NCAM2: variants seen among roughly 807,000 people sequenced by gnomAD.
The protein encoded by NCAM2 is neural cell adhesion molecule 2.
Under a neutral mutation model 98.1 loss-of-function variants are expected in NCAM2, and 30 were observed. The observed-to-expected ratio is 0.31, with a 90% CI of 0.23 to 0.41. The LOEUF is 0.41. Ranked by LOEUF, NCAM2 falls within the 10% of genes least tolerant of loss-of-function variation. The pLI is 1.00. For synonymous variants in NCAM2, 368 were observed against 342.4 expected, an observed-to-expected ratio of 1.07 and a Z score of -0.83; for missense variants, 867 against 1,005.8, an observed-to-expected ratio of 0.86 and a Z score of 1.87.
rs533361851 is a variant in NCAM2, at chr21:21,315,903, A to G, written c.620-8480A>G. On this transcript the variant is annotated intron_variant, in intron 5 of 17. Transcript: ENST00000400546. ...AAGTGGGGAGATAGGACACTGCAAG[A>G]TGTCTCGAATTAATCCAGAACTGGA... is the stretch of plus-strand genomic sequence containing the variant. Among the ~76,000 whole-genome samples, 98 of 152,330 alleles carry G rather than the reference A, an allele frequency of 6.4e-4. 2 individuals are homozygous for G. In the South Asian group the frequency reaches 0.02, roughly 31 times the overall value.
At chr21:21,124,443 G>A (rs2066744468) in intron 1 of NCAM2, among the ~76,000 whole-genome samples, 1 of 152,124 alleles carries the variant, frequency 6.6e-6, no homozygotes, top group African/African-American at 2.4e-5. Flanking sequence ...AGGATTTTCA[G>A]AAGCTGGAGT....
intron 1 of NCAM2, among the ~76,000 whole-genome samples, chr21:21,164,877 G>A (rs1260227921): frequency 6.6e-6 from 1 of 152,180 alleles, no homozygotes; most frequent in African/African-American, 2.4e-5. Context: ...TAAATAGAGT[G>A]ACTATCAATT....
chr21:21,289,773 C>G (rs2073228221), intron 4 of NCAM2, among the ~76,000 whole-genome samples: 1 of 151,754 alleles, frequency 6.6e-6, no homozygotes, highest in South Asian at 2.1e-4. Context: ...GTAATTTATT[C>G]AAAGGGGGCA....
chr21:21,284,964 C>T (rs1219977559), intron 3 of NCAM2, among the ~76,000 whole-genome samples: 1 of 151,648 alleles, frequency 6.6e-6, no homozygotes, highest in African/African-American at 2.4e-5. Context: ...CTTTCTCCTC[C>T]TTATATTTAA....
chr21:21,420,898 A>G (rs1463953558), intron 11 of NCAM2, among the ~76,000 whole-genome samples: 2 of 151,966 alleles, frequency 1.3e-5, no homozygotes, highest in African/African-American at 4.8e-5. Context: ...AAATGCATAG[A>G]TAATAAATTG....
At chr21:20,999,764 A>G (rs2063985561) in intron 1 of NCAM2, among the ~76,000 whole-genome samples, 1 of 152,158 alleles carries the variant, frequency 6.6e-6, no homozygotes, top group South Asian at 2.1e-4. Context: ...TTGGTCCAGC[A>G]GGGGGTGGTA....
intron 10 of NCAM2, among the ~76,000 whole-genome samples, chr21:21,414,650 T>A (rs1415221024): frequency 6.6e-6 from 1 of 152,040 alleles, no homozygotes; most frequent in Admixed American, 6.6e-5. Context: ...TTTGTATTTT[T>A]AGTTGAGACG....
chr21:21,286,367 G>A lies in NCAM2; in HGVS notation c.436G>A (p.Val146Ile), dbSNP rs770305591. Residue 146 changes from valine (V) to isoleucine (I), a missense_variant, in exon 4 of 18, where the codon GTC (valine) becomes ATC (isoleucine). Physicochemically the swap from Val to Ile is conservative, Grantham distance 29 (BLOSUM62 3). Transcript: ENST00000400546. ...AGTTAGCAGTTCACCTGCACCTGCT[G>A]TCAGCTGGTTGTATCATAATGAGGA... Reference protein sequence around the residue: ...CRVSSSPAPAVSWLYHNEEVT... With the variant: ...CRVSSSPAPAISWLYHNEEVT... The A allele has an allele frequency of 7.4e-6, 12 of 1,612,380 alleles. No homozygotes were observed. In the African/African-American group the frequency reaches 1.3e-4, roughly 18 times the overall value.
intron 1 of NCAM2, among the ~76,000 whole-genome samples, chr21:21,240,351 T>C (rs1241909910): frequency 6.8e-6 from 1 of 146,452 alleles, no homozygotes; most frequent in Non-Finnish European, 1.5e-5. Context: ...AAAAATATAT[T>C]ATATAATTTT....
chr21:21,230,309 A>G (rs2826740), intron 1 of NCAM2, among the ~76,000 whole-genome samples: 68,396 of 150,838 alleles, frequency 0.45, 15,697 homozygotes, highest in East Asian at 0.6. Flanking sequence ...TCATTGTCTC[A>G]CTTTTTTTTG....
chr21:21,443,734 A>G (rs1979666505), intron 12 of NCAM2, among the ~76,000 whole-genome samples: 2 of 152,114 alleles, frequency 1.3e-5, no homozygotes, highest in South Asian at 4.1e-4. Flanking sequence ...AGGAGGACCT[A>G]TAGATTTCTC....
intron 1 of NCAM2, among the ~76,000 whole-genome samples, chr21:21,212,033 T>C (rs1426058905): frequency 6.6e-6 from 1 of 152,228 alleles, no homozygotes; most frequent in Non-Finnish European, 1.5e-5. Flanking sequence ...AATACCCATA[T>C]AACCCAACGA....
In NCAM2 at chr21:21,540,071, T is replaced by C. The variant is rs985296031; in HGVS notation, c.*2114T>C. 4 of 152,066 alleles carry C rather than the reference T, an allele frequency of 2.6e-5. No homozygotes were observed. The highest frequency in any genetic ancestry group is 9.7e-5 in the African/African-American group (4 of 41,442). The allele number at this position is 152,066 out of a possible 1,614,324, so 9.4% of individuals were successfully genotyped here. A position where few individuals can be genotyped will look rare whatever the true frequency, so the allele number is the denominator to read the frequency against. ...GGGCCACATGGTTTTAAACTAATGA[T>C]GGTGAAAGAAATACGATGACTGAGA... On this transcript the variant is annotated 3_prime_UTR_variant, in exon 18 of 18. Transcript: ENST00000400546.
At chr21:21,057,814 T>G (rs1204626579) in intron 1 of NCAM2, among the ~76,000 whole-genome samples, 1 of 152,106 alleles carries the variant, frequency 6.6e-6, no homozygotes, top group Non-Finnish European at 1.5e-5. Context: ...CAGGCCTCTC[T>G]CTTTCCCTGT....
At chr21:21,081,432 G>T (rs890264892) in intron 1 of NCAM2, among the ~76,000 whole-genome samples, 1 of 152,150 alleles carries the variant, frequency 6.6e-6, no homozygotes, top group African/African-American at 2.4e-5. Context: ...CCTGGTGTGT[G>T]TTGAGGTGGA....
chr21:21,116,680 T>C (rs1361144775), intron 1 of NCAM2, among the ~76,000 whole-genome samples: 1 of 152,022 alleles, frequency 6.6e-6, no homozygotes, highest in Non-Finnish European at 1.5e-5. Context: ...CGTGAAACCC[T>C]GTCTCTACTA....
At chr21:21,322,871 G>A (rs1455627661) in intron 5 of NCAM2, among the ~76,000 whole-genome samples, 3 of 152,146 alleles carry the variant, frequency 2.0e-5, no homozygotes, top group East Asian at 3.9e-4. Context: ...AACCGGTCAG[G>A]AGAATTATAA....
chr21:21,452,628 TATATTATATATTATATATA>T (rs1164747704), intron 12 of NCAM2, among the ~76,000 whole-genome samples: 1 of 114,056 alleles, frequency 8.8e-6, no homozygotes, highest in Non-Finnish European at 1.7e-5. Context: ...ATATATACAA[TATATTATATATTATATATA>T]AATATATATA....
At chr21:21,336,313 C>A (rs576543675) in intron 7 of NCAM2, among the ~76,000 whole-genome samples, 35 of 151,156 alleles carry the variant, frequency 2.3e-4, no homozygotes, top group Non-Finnish European at 4.4e-4. Context: ...AATATGTTTT[C>A]TCCAACTTTA....
Sources: gnomAD v4.1 joint callset for allele counts (sites outside exome capture counted in the v4.1 genomes callset) on GRCh38, gnomAD v4.1.1 for gene constraint, MANE v1.5 for transcripts, NCBI Gene and HGNC (gene_info 2026-07-23, HGNC 2026-07-21) for gene names.